RBFOX1: variants seen among roughly 807,000 people sequenced by gnomAD.
The protein encoded by RBFOX1 is RNA binding protein fox-1 homolog 1.
RBFOX1 carries 8 observed loss-of-function variants against 57.7 expected under a neutral mutation model. The ratio of observed to expected loss-of-function variants is 0.14; its 90% CI spans 0.08 to 0.25. The LOEUF (loss-of-function observed/expected upper bound fraction) is 0.25. Among genes scored for constraint, RBFOX1 ranks in the 10% least tolerant of loss-of-function variants. The probability of loss-of-function intolerance (pLI) is 1.00; values close to 1 mark genes in which losing one functional copy is unlikely to be tolerated. For synonymous variants in RBFOX1, 326 were observed against 222.4 expected (o/e 1.47, Z -4.15); for missense variants, 611 against 548.5 (o/e 1.11, Z -1.14).
At chr16:5,676,520 G>C (rs2050173526) in intron 3 of RBFOX1, among the ~76,000 whole-genome samples, 1 of 152,280 alleles carries the variant, frequency 6.6e-6, no homozygotes, top group Admixed American at 6.5e-5. Context: ...GCAAAATGCA[G>C]ATAGCAATGA....
At chr16:5,551,343 G>C (rs936178578) in intron 2 of RBFOX1, among the ~76,000 whole-genome samples, 1 of 152,282 alleles carries the variant, frequency 6.6e-6, no homozygotes, top group East Asian at 1.9e-4. Flanking sequence ...ATACATGTGC[G>C]AGGCTCCCTG....
intron 3 of RBFOX1, among the ~76,000 whole-genome samples, chr16:6,662,963 C>T (rs1013728442): frequency 5.9e-5 from 9 of 152,126 alleles, no homozygotes; most frequent in Non-Finnish European, 1.3e-4. Flanking sequence ...GAGTATGGAT[C>T]GCACATAACT....
intron 1 of RBFOX1, among the ~76,000 whole-genome samples, chr16:5,350,400 G>C (rs897971976): frequency 2.0e-5 from 3 of 152,320 alleles, no homozygotes; most frequent in African/African-American, 4.8e-5. Flanking sequence ...GGGTGTGTCA[G>C]GCTGACACAC....
In RBFOX1 at chr16:7,199,280, G is replaced by C. The variant is rs141167127; in HGVS notation, c.27+147182G>C. ...TCAGTGTGATAATAAATACACCAAA[G>C]TGCCCTTTTATGTTTAATAATTCAG... On this transcript the variant is annotated intron_variant, in intron 4 of 15. Coordinates refer to ENST00000550418, the MANE Select transcript of RBFOX1 (RefSeq NM_018723.4). Among the ~76,000 whole-genome samples the C allele has an allele frequency of 4.6e-5, 7 of 152,268 alleles. No individual in the cohort carries two copies. The East Asian group carries it at 1.2e-3, about 25-fold the overall frequency.
chr16:7,465,684 T>C (rs540118689), intron 4 of RBFOX1, among the ~76,000 whole-genome samples: 2 of 152,322 alleles, frequency 1.3e-5, no homozygotes, highest in South Asian at 4.1e-4. Flanking sequence ...ACCCTGGGGA[T>C]CCTTTGCTTC....
At chr16:7,684,284 G>T (rs8045458) in intron 14 of RBFOX1, among the ~76,000 whole-genome samples, 1 of 151,830 alleles carries the variant, frequency 6.6e-6, no homozygotes, top group African/African-American at 2.4e-5. Context: ...CAAAAACTAT[G>T]ATGAATTTCA....
chr16:6,921,464 T>G (rs2074422740), intron 3 of RBFOX1, among the ~76,000 whole-genome samples: 1 of 152,122 alleles, frequency 6.6e-6, no homozygotes, highest in Non-Finnish European at 1.5e-5. Context: ...TGCTGACTGT[T>G]GGCCATAAAC....
intron 1 of RBFOX1, among the ~76,000 whole-genome samples, chr16:5,361,214 G>C (rs796386501): frequency 1.3e-5 from 2 of 152,268 alleles, no homozygotes; most frequent in African/African-American, 4.8e-5. Flanking sequence ...TGGTGATATG[G>C]TTCTGTCTTC....
At chr16:5,944,177 C>G (rs1211023311) in intron 4 of RBFOX1, among the ~76,000 whole-genome samples, 1 of 152,138 alleles carries the variant, frequency 6.6e-6, no homozygotes, top group Non-Finnish European at 1.5e-5. Context: ...CTAATGACCT[C>G]AACGATGTGT....
chr16:7,100,383 T>G (rs963446418), intron 4 of RBFOX1, among the ~76,000 whole-genome samples: 1 of 152,152 alleles, frequency 6.6e-6, no homozygotes, highest in Non-Finnish European at 1.5e-5. Context: ...AGCCTATCAC[T>G]CATCACTCAA....
intron 4 of RBFOX1, among the ~76,000 whole-genome samples, chr16:7,258,475 C>A (rs2094786358): frequency 6.6e-6 from 1 of 152,078 alleles, no homozygotes; most frequent in Admixed American, 6.6e-5. Flanking sequence ...CCCTCTCTCT[C>A]TCTCTGTCAA....
intron 2 of RBFOX1, among the ~76,000 whole-genome samples, chr16:6,390,633 T>C (rs2092554777): frequency 6.6e-6 from 1 of 152,188 alleles, no homozygotes; most frequent in Admixed American, 6.5e-5. Flanking sequence ...TAAAATTAGT[T>C]GATGCGACAG....
intron 1 of RBFOX1, among the ~76,000 whole-genome samples, chr16:5,351,751 G>C (rs935320815): frequency 1.3e-5 from 2 of 152,140 alleles, no homozygotes; most frequent in African/African-American, 4.8e-5. Flanking sequence ...GAGTGACCCT[G>C]GTTATCTGTC....
At chr16:7,556,233 C>G (rs2088418547) in intron 5 of RBFOX1, among the ~76,000 whole-genome samples, 1 of 152,152 alleles carries the variant, frequency 6.6e-6, no homozygotes, top group African/African-American at 2.4e-5. Flanking sequence ...GCTCTTCGGT[C>G]AAATCTGAGA....
At chr16:5,327,985 G>T (rs928887515) in intron 1 of RBFOX1, among the ~76,000 whole-genome samples, 1 of 152,210 alleles carries the variant, frequency 6.6e-6, no homozygotes, top group African/African-American at 2.4e-5. Flanking sequence ...GAGAAAAGGA[G>T]AGGTATTTTG....
At position 7,596,666 on chromosome 16, in the gene RBFOX1, G is replaced by A. The variant is rs551453166; in HGVS notation, c.562-705G>A. Among the ~76,000 whole-genome samples, 4 of 152,060 alleles carry A rather than the reference G, an allele frequency of 2.6e-5. No homozygotes were observed. The East Asian group carries it at 5.8e-4, about 22-fold the overall frequency. ...GCTCTATTTTTTTGGATATTGGTAC[G>A]CCTGTAATTGAGTGTACGTTCTAAG... On this transcript the variant is annotated intron_variant, in intron 8 of 15. Coordinates refer to ENST00000550418, the MANE Select transcript of RBFOX1 (RefSeq NM_018723.4).
chr16:5,712,823 G>A (rs1037894054), intron 3 of RBFOX1, among the ~76,000 whole-genome samples: 1 of 152,126 alleles, frequency 6.6e-6, no homozygotes, highest in African/African-American at 2.4e-5. Context: ...TACTTCTTTT[G>A]CCACATACAC....
chr16:6,933,199 C>A (rs978666969), intron 3 of RBFOX1, among the ~76,000 whole-genome samples: 1 of 152,156 alleles, frequency 6.6e-6, no homozygotes. Flanking sequence ...ATGCTATGAA[C>A]GGGAGTGTAC....
chr16:6,116,869 A>G (rs572422343), intron 1 of RBFOX1, among the ~76,000 whole-genome samples: 1 of 152,238 alleles, frequency 6.6e-6, no homozygotes, highest in South Asian at 2.1e-4. Flanking sequence ...GTGGCTGTAC[A>G]GTAAAGGTAT....
Sources: gnomAD v4.1 joint callset for allele counts (sites outside exome capture counted in the v4.1 genomes callset) on GRCh38, gnomAD v4.1.1 for gene constraint, MANE v1.5 for transcripts, NCBI Gene and HGNC (gene_info 2026-07-23, HGNC 2026-07-21) for gene names.